The following MTRR variants were observed in gnomAD, a reference collection of about 807,000 sequenced individuals.
MTRR encodes 5-methyltetrahydrofolate-homocysteine methyltransferase reductase.
Under a neutral mutation model 79.2 loss-of-function variants are expected in MTRR, and 63 were observed. That is an observed-to-expected ratio of 0.80 (90% CI 0.65 to 0.98). MTRR has a LOEUF of 0.98. Among genes scored for constraint, MTRR ranks in the 50% least tolerant of loss-of-function variants. The pLI is 0.00. For synonymous variants in MTRR, 355 were observed against 313.3 expected, an observed-to-expected ratio of 1.13 and a Z score of -1.41; for missense variants, 895 against 839.6, an observed-to-expected ratio of 1.07 and a Z score of -0.82.
rs759311230 is a variant in MTRR at position 7,873,512 on chromosome 5, G to A, written c.269G>A (p.Arg90Gln). Residue 90 changes from arginine to glutamine, a missense_variant, in exon 3 of 15, where the codon CGG becomes CAG. Physicochemically the swap from Arg to Gln is conservative, Grantham distance 43. Coordinates refer to ENST00000440940, the MANE Select transcript of MTRR (RefSeq NM_002454.3). ...CCGGTTGATTTCTTTGCTCACCTGC[G>A]GTATGGGTTACTGGGTAATGGACTC... Reference protein sequence around the residue: ...TLPVDFFAHLRYGLLGLGDSE... With the variant: ...TLPVDFFAHLQYGLLGLGDSE... The A allele has an allele frequency of 3.7e-6, 6 of 1,613,862 alleles. No homozygotes were observed. Among genetic ancestry groups the A allele is most frequent in the East Asian group, 2.2e-5 (1 of 44,888 alleles).
At chr5:7,879,919 C>G (rs75356060) in intron 5 of MTRR, among the ~76,000 whole-genome samples, 1,933 of 152,300 alleles carry the variant, frequency 0.013, 14 homozygotes, top group Non-Finnish European at 0.019. Flanking sequence ...AGCTGGTGGC[C>G]TTTTCTGTCA....
At chr5:7,864,617 C>A (rs1467970600), upstream of MTRR, among the ~76,000 whole-genome samples, 1 of 152,028 alleles carries the variant, frequency 6.6e-6, no homozygotes, top group African/African-American at 2.4e-5. Context: ...ATGTAAATGG[C>A]CAACACATAT....
At position 7,885,729 on chromosome 5, in the gene MTRR, A is replaced by G. The variant is rs1736311412; in HGVS notation, c.932A>G (p.Asp311Gly). Residue 311 changes from aspartate (D) to glycine (G), a missense_variant, in exon 7 of 15, where the codon GAT becomes GGT. Coordinates refer to ENST00000440940, the MANE Select transcript of MTRR (RefSeq NM_002454.3). Reference sequence around the variant, plus strand: ...ACAGACTTTTCCTATCAGCCTGGAGATGCCTTCAGCGTGATCTGCCCTAAC... The same window carrying G: ...ACAGACTTTTCCTATCAGCCTGGAGGTGCCTTCAGCGTGATCTGCCCTAAC... ...SNTDFSYQPGDAFSVICPNSD... is the reference protein window; with the variant it reads ...SNTDFSYQPGGAFSVICPNSD... The G allele has an allele frequency of 6.2e-7, 1 of 1,612,926 alleles. No individual in the cohort carries two copies. Among genetic ancestry groups the G allele is most frequent in the Non-Finnish European group, 8.5e-7 (1 of 1,179,882 alleles).
intron 2 of MTRR, chr5:7,872,400 A>G: frequency 3.2e-6 from 1 of 315,658 alleles, no homozygotes; most frequent in South Asian, 2.7e-5. Context: ...CTCAGCTTAT[A>G]GCTAATGATA....
chr5:7,851,525 G>A (rs1464212702), exon 1 of MTRR: 1 of 153,308 alleles, frequency 6.5e-6, no homozygotes, highest in African/African-American at 2.4e-5. Context: ...CGAGGCTCCA[G>A]GGCAGCGCTG....
At chr5:7,865,004 A>G (rs1440235006), upstream of MTRR, among the ~76,000 whole-genome samples, 1 of 152,184 alleles carries the variant, frequency 6.6e-6, no homozygotes, top group Non-Finnish European at 1.5e-5. Flanking sequence ...AACACCATGA[A>G]ATATCATGCC....
intron 11 of MTRR, among the ~76,000 whole-genome samples, chr5:7,895,391 T>TA (rs1226571770): frequency 6.6e-6 from 1 of 152,206 alleles, no homozygotes; most frequent in African/African-American, 2.4e-5. Flanking sequence ...TTAGGGTACA[T>TA]TTCTCCATAA....
At chr5:7,881,733 A>G (rs1219638642) in intron 5 of MTRR, among the ~76,000 whole-genome samples, 1 of 151,356 alleles carries the variant, frequency 6.6e-6, no homozygotes. Context: ...TTAATTGGTG[A>G]TTTGTCCTTT....
chr5:7,864,024 T>C (rs1746752395), intron 2 of MTRR, among the ~76,000 whole-genome samples: 1 of 152,206 alleles, frequency 6.6e-6, no homozygotes. Flanking sequence ...TAATTTTTTG[T>C]ATTTTTAGTA....
At chr5:7,855,727 G>A (rs1489382183) in intron 1 of MTRR, among the ~76,000 whole-genome samples, 1 of 152,210 alleles carries the variant, frequency 6.6e-6, no homozygotes, top group East Asian at 1.9e-4. Flanking sequence ...AGCAAAAACA[G>A]TAGGGTTATT....
chr5:7,867,911 T>G, upstream of MTRR: 2 of 1,614,146 alleles, frequency 1.2e-6, no homozygotes, highest in Non-Finnish European at 1.7e-6. Flanking sequence ...ATGGGCATGA[T>G]GGAATTTGAC....
chr5:7,889,589 T>C (rs1485244563), intron 9 of MTRR, among the ~76,000 whole-genome samples: 3 of 152,138 alleles, frequency 2.0e-5, no homozygotes, highest in African/African-American at 2.4e-5. Context: ...TCTTTTTGGC[T>C]CAGAATTGAG....
chr5:7,889,554 C>T (rs1278221640), intron 9 of MTRR, among the ~76,000 whole-genome samples: 1 of 152,016 alleles, frequency 6.6e-6, no homozygotes, highest in East Asian at 1.9e-4. Context: ...ATCATTTTCT[C>T]TCTTAATAGA....
intron 14 of MTRR, among the ~76,000 whole-genome samples, chr5:7,897,824 A>G (rs1309135219): frequency 6.6e-6 from 1 of 152,188 alleles, no homozygotes; most frequent in Non-Finnish European, 1.5e-5. Context: ...GACTCAAAAA[A>G]TTTCTGCTAG....
chr5:7,889,757 C>T (rs1737237148), intron 9 of MTRR, among the ~76,000 whole-genome samples: 1 of 152,178 alleles, frequency 6.6e-6, no homozygotes, highest in Admixed American at 6.5e-5. Flanking sequence ...GAAATGCCCC[C>T]ATCTGAGCAA....
chr5:7,880,455 C>T (rs772744384), intron 5 of MTRR, among the ~76,000 whole-genome samples: 1 of 152,216 alleles, frequency 6.6e-6, no homozygotes, highest in African/African-American at 2.4e-5. Flanking sequence ...CCAGCTTGCA[C>T]GGAGGTTACA....
chr5:7,871,825 ACT>A (rs747480321), intron 2 of MTRR, among the ~76,000 whole-genome samples: 1 of 152,156 alleles, frequency 6.6e-6, no homozygotes, highest in African/African-American at 2.4e-5. Flanking sequence ...CAGTCAGCAG[ACT>A]CTGTCATTCT....
intron 11 of MTRR, chr5:7,893,401 A>G (rs2126796943): frequency 1.2e-5 from 2 of 171,502 alleles, no homozygotes; most frequent in South Asian, 1.4e-4. Context: ...TGCTTTTGTT[A>G]TCTGTGGTGT....
intron 4 of MTRR, 118 bp from the exon 5 acceptor site, chr5:7,877,826 C>T: frequency 1.5e-6 from 2 of 1,358,388 alleles, no homozygotes; most frequent in Non-Finnish European, 2.1e-6. Flanking sequence ...GAATGGTCTT[C>T]ATAGTGTTTC....
Sources: gnomAD v4.1 joint callset for allele counts (sites outside exome capture counted in the v4.1 genomes callset) on GRCh38, gnomAD v4.1.1 for gene constraint, MANE v1.5 for transcripts, NCBI Gene and HGNC (gene_info 2026-07-23, HGNC 2026-07-21) for gene names.